ASIC2: variants seen among roughly 807,000 people sequenced by gnomAD.
ASIC2 encodes acid-sensing ion channel 2.
In ASIC2, 25 loss-of-function variants were observed where a neutral mutation model predicts 57.3. The ratio of observed to expected loss-of-function variants is 0.44; its 90% CI spans 0.32 to 0.61. The LOEUF (loss-of-function observed/expected upper bound fraction) is 0.61. Ranked by LOEUF, ASIC2 falls within the 20% of genes least tolerant of loss-of-function variation. The pLI is 0.06. For synonymous variants in ASIC2, 319 were observed against 307.5 expected, an observed-to-expected ratio of 1.04 and a Z score of -0.39; for missense variants, 641 against 738.1, an observed-to-expected ratio of 0.87 and a Z score of 1.52.
intron 1 of ASIC2, among the ~76,000 whole-genome samples, chr17:33,645,677 A>C (rs1000235284): frequency 5.3e-5 from 8 of 152,154 alleles, no homozygotes; most frequent in Non-Finnish European, 1.0e-4. Flanking sequence ...TGACCTTTGC[A>C]GGCCAAAGGG....
At chr17:33,334,363 G>A (rs1031946250) in intron 1 of ASIC2, among the ~76,000 whole-genome samples, 25 of 152,202 alleles carry the variant, frequency 1.6e-4, no homozygotes, top group Admixed American at 1.6e-3. Context: ...AGGTCTGCCT[G>A]GATCCAGAGC....
chr17:33,241,056 A>G (rs1475023095), intron 1 of ASIC2, among the ~76,000 whole-genome samples: 2 of 152,020 alleles, frequency 1.3e-5, no homozygotes, highest in African/African-American at 4.8e-5. Flanking sequence ...CCTTTCATAG[A>G]TCAGGACACT....
At chr17:34,123,985 C>T (rs1911701260) in intron 1 of ASIC2, among the ~76,000 whole-genome samples, 1 of 152,122 alleles carries the variant, frequency 6.6e-6, no homozygotes, top group Non-Finnish European at 1.5e-5. Flanking sequence ...GAGAGGCTGA[C>T]ACAGGAGAAT....
chr17:33,685,110 C>T (rs570248339), intron 1 of ASIC2, among the ~76,000 whole-genome samples: 4 of 152,276 alleles, frequency 2.6e-5, no homozygotes, highest in African/African-American at 7.2e-5. Context: ...CTGGTTCCCC[C>T]TGGGGGGGCT....
intron 1 of ASIC2, among the ~76,000 whole-genome samples, chr17:33,204,963 A>C (rs1907007966): frequency 6.6e-6 from 1 of 152,242 alleles, no homozygotes; most frequent in Non-Finnish European, 1.5e-5. Context: ...AGAAGAGTCT[A>C]CTTGAATGGA....
intron 1 of ASIC2, among the ~76,000 whole-genome samples, chr17:33,983,189 G>A (rs1038858330): frequency 6.6e-6 from 1 of 152,108 alleles, no homozygotes; most frequent in Non-Finnish European, 1.5e-5. Context: ...GTCTCTAGTT[G>A]CCTGGAGATT....
intron 1 of ASIC2, among the ~76,000 whole-genome samples, chr17:33,366,691 T>A (rs924846): frequency 6.6e-6 from 1 of 152,242 alleles, no homozygotes; most frequent in African/African-American, 2.4e-5. Context: ...AGATTCTTAT[T>A]GCTGTATCTA....
Position 33,313,170 on chromosome 17 carries a change from T to A in ASIC2, c.556-201103A>T, listed in dbSNP as rs190945297. Among the ~76,000 whole-genome samples, 579 of 150,814 alleles carry A rather than the reference T, an allele frequency of 3.8e-3. 5 individuals carry two copies. The highest frequency in any genetic ancestry group is 0.012 in the African/African-American group (500 of 41,052). Reference sequence around the variant, plus strand: ...CCCCATCTCAACAAAATTTTTTTTTTAAAAAATTAGCCAGGCATAGTGGTG... The same window carrying A: ...CCCCATCTCAACAAAATTTTTTTTTAAAAAAATTAGCCAGGCATAGTGGTG... On this transcript the variant is annotated intron_variant, in intron 1 of 9. Transcript: ENST00000359872.
At chr17:33,227,396 T>C (rs1429186781) in intron 1 of ASIC2, among the ~76,000 whole-genome samples, 3 of 152,164 alleles carry the variant, frequency 2.0e-5, no homozygotes, top group Non-Finnish European at 4.4e-5. Flanking sequence ...CCTATGTTTC[T>C]CTTTTGTGCT....
At chr17:33,678,255 AT>A (rs1460107253) in intron 1 of ASIC2, among the ~76,000 whole-genome samples, 3 of 152,276 alleles carry the variant, frequency 2.0e-5, no homozygotes, top group Middle Eastern at 6.8e-3. Context: ...TGTAAATGCA[AT>A]TTTTATATAC....
At chr17:34,151,110 A>AT (rs1199235996) in intron 1 of ASIC2, among the ~76,000 whole-genome samples, 11 of 140,940 alleles carry the variant, frequency 7.8e-5, no homozygotes, top group Non-Finnish European at 1.4e-4. Context: ...CTCAAGAAAA[A>AT]AAAAAAAAAA....
chr17:33,823,934 G>A (rs142777144), intron 1 of ASIC2, among the ~76,000 whole-genome samples: 27 of 152,268 alleles, frequency 1.8e-4, no homozygotes, highest in African/African-American at 4.1e-4. Context: ...TCTTCTCCAC[G>A]TCTGGCTTCT....
chr17:33,739,983 GA>G, intron 1 of ASIC2, among the ~76,000 whole-genome samples: 1 of 142,104 alleles, frequency 7.0e-6, no homozygotes, highest in East Asian at 2.0e-4. Context: ...AAGAAAGAAA[GA>G]AAAAAGAAAG....
intron 1 of ASIC2, among the ~76,000 whole-genome samples, chr17:33,900,155 G>A (rs142495523): frequency 2.5e-4 from 38 of 152,242 alleles, no homozygotes; most frequent in Non-Finnish European, 4.0e-4. Context: ...CATCAATTCC[G>A]TCACATATTA....
intron 1 of ASIC2, among the ~76,000 whole-genome samples, chr17:33,504,773 C>T (rs1914200902): frequency 6.6e-6 from 1 of 152,224 alleles, no homozygotes; most frequent in Non-Finnish European, 1.5e-5. Context: ...CTCTTTCCAT[C>T]CTGTCCCTGT....
chr17:33,818,915 G>A (rs117255375), intron 1 of ASIC2, among the ~76,000 whole-genome samples: 1,694 of 152,312 alleles, frequency 0.011, 13 homozygotes, highest in Admixed American at 0.015. Flanking sequence ...GCCCCATCTT[G>A]CTCAAGGGAG....
chr17:33,521,531 G>A (rs903916763), intron 1 of ASIC2, among the ~76,000 whole-genome samples: 3 of 152,202 alleles, frequency 2.0e-5, no homozygotes, highest in Admixed American at 2.0e-4. Context: ...GTCTCTCCCA[G>A]TGGGTACACA....
chr17:33,085,313 A>G (rs573235966), intron 3 of ASIC2, among the ~76,000 whole-genome samples: 18 of 152,374 alleles, frequency 1.2e-4, no homozygotes, highest in African/African-American at 4.1e-4. Flanking sequence ...TCACCAAGAA[A>G]GAATAACAAA....
intron 1 of ASIC2, among the ~76,000 whole-genome samples, chr17:33,865,577 C>G (rs1395050862): frequency 1.3e-5 from 2 of 152,022 alleles, no homozygotes; most frequent in Non-Finnish European, 1.5e-5. Flanking sequence ...TTTCTTTCCT[C>G]TAATCTATGG....
Sources: allele counts gnomAD v4.1 joint callset (sites outside exome capture counted in the v4.1 genomes callset), GRCh38; gene constraint gnomAD v4.1.1; transcripts MANE v1.5; gene names NCBI Gene and HGNC (gene_info 2026-07-23, HGNC 2026-07-21).